Variants in SYNE2 observed in about 807,000 individuals in gnomAD.
The protein encoded by SYNE2 is nesprin-2.
SYNE2 carries 431 observed loss-of-function variants against 856.3 expected under a neutral mutation model. That is an observed-to-expected ratio of 0.50 (90% CI 0.47 to 0.55). SYNE2 has a LOEUF of 0.55. SYNE2 is among the 20% of genes least tolerant of loss of function. The pLI is 0.00. For missense variants in SYNE2, 8,129 were observed against 8,023.2 expected, an observed-to-expected ratio of 1.01 and a Z score of -0.50; for synonymous variants, 2,923 against 2,872.3, an observed-to-expected ratio of 1.02 and a Z score of -0.56.
intron 38 of SYNE2, chr14:64,023,462 A>G (rs905816943): frequency 7.9e-5 from 12 of 152,672 alleles, no homozygotes; most frequent in African/African-American, 2.9e-4. Flanking sequence ...TTGAAATCAT[A>G]TTTGATAAAA....
chr14:63,881,859 A>G (rs1043949711), intron 1 of SYNE2, among the ~76,000 whole-genome samples: 1 of 152,212 alleles, frequency 6.6e-6, no homozygotes, highest in African/African-American at 2.4e-5. Flanking sequence ...AACCTGTAAC[A>G]TATTTCTGAT....
In SYNE2 at chr14:64,089,151, C is replaced by T. The variant is rs570147735; in HGVS notation, c.11671-423C>T. On this transcript the variant is annotated intron_variant, in intron 58 of 115. Coordinates refer to ENST00000555002, the MANE Select transcript of SYNE2 (RefSeq NM_182914.3). ...GAGGCCGAGGCGGGTGGATCACCTG[C>T]GGTCAGGAGTTGGAGACCAGCCTGG... Among the ~76,000 whole-genome samples, 13 of 151,876 alleles carry T rather than the reference C, an allele frequency of 8.6e-5. No individual in the cohort carries two copies. The East Asian group carries it at 1.7e-3, about 20-fold the overall frequency.
chr14:64,075,597 CTT>C (rs58200430), intron 53 of SYNE2: 1,768 of 163,150 alleles, frequency 0.011, 1 homozygote, highest in South Asian at 0.022. Context: ...TTCTTTGAAA[CTT>C]TTTTTTTTTT....
At chr14:64,217,558 A>AT (rs1567676471) in intron 108 of SYNE2, among the ~76,000 whole-genome samples, 1 of 152,214 alleles carries the variant, frequency 6.6e-6, no homozygotes, top group African/African-American at 2.4e-5. Context: ...AGCAGGTGTC[A>AT]TTTTTAAAAA....
At chr14:63,794,012 A>G (rs983300679) in intron 1 of SYNE2, among the ~76,000 whole-genome samples, 1 of 152,044 alleles carries the variant, frequency 6.6e-6, no homozygotes, top group Non-Finnish European at 1.5e-5. Flanking sequence ...CTGAAATACC[A>G]TGGTACCAGG....
intron 111 of SYNE2, 145 bp downstream of exon 111, chr14:64,220,782 C>T (rs2140389745): frequency 2.0e-6 from 2 of 1,014,256 alleles, no homozygotes; most frequent in East Asian, 2.6e-5. Context: ...CATTTGTTTC[C>T]ACAGAGGCTC....
intron 11 of SYNE2, among the ~76,000 whole-genome samples, chr14:63,970,334 G>T (rs1314118178): frequency 6.6e-6 from 1 of 152,092 alleles, no homozygotes. Context: ...GACAACTGGT[G>T]TGTGCCATCA....
At chr14:64,171,936 T>C (rs1397357507) in intron 94 of SYNE2, among the ~76,000 whole-genome samples, 1 of 152,170 alleles carries the variant, frequency 6.6e-6, no homozygotes, top group Non-Finnish European at 1.5e-5. Flanking sequence ...CTGCAACCTC[T>C]GCCTCCCAGG....
intron 99 of SYNE2, among the ~76,000 whole-genome samples, chr14:64,201,331 CA>C (rs1420030461): frequency 8.5e-5 from 13 of 152,198 alleles, no homozygotes; most frequent in African/African-American, 3.1e-4. Context: ...AACTAGAAGT[CA>C]GTCCCATGGA....
chr14:64,083,926 A>AT (rs527947618), intron 57 of SYNE2, among the ~76,000 whole-genome samples: 15,713 of 144,852 alleles, frequency 0.11, 967 homozygotes, highest in African/African-American at 0.17. Flanking sequence ...TAGAAAACTA[A>AT]TTTTTTTTTT....
At chr14:63,925,540 G>C (rs2095653713) in intron 2 of SYNE2, among the ~76,000 whole-genome samples, 1 of 152,128 alleles carries the variant, frequency 6.6e-6, no homozygotes. Flanking sequence ...TTTAAACTGA[G>C]CAATTGCATT....
intron 10 of SYNE2, among the ~76,000 whole-genome samples, chr14:63,964,741 C>T (rs2096367101): frequency 1.3e-5 from 2 of 152,074 alleles, no homozygotes; most frequent in South Asian, 2.1e-4. Context: ...TCAGGCTGGT[C>T]TCGAACTCCT....
At chr14:64,182,452 G>A (rs908748914) in intron 96 of SYNE2, among the ~76,000 whole-genome samples, 8 of 151,716 alleles carry the variant, frequency 5.3e-5, no homozygotes, top group Admixed American at 4.6e-4. Flanking sequence ...GATTTGGCAC[G>A]GTCATAGGAC....
chr14:64,055,920 A>T, intron 48 of SYNE2, 24 bp from the exon 49 acceptor site: 1 of 1,599,098 alleles, frequency 6.3e-7, no homozygotes, highest in South Asian at 1.1e-5. Flanking sequence ...ATTTTGTCAC[A>T]GCATTTAATC....
At chr14:63,811,470 C>T (rs59529583) in intron 1 of SYNE2, among the ~76,000 whole-genome samples, 79,934 of 151,786 alleles carry the variant, frequency 0.53, 21,918 homozygotes, top group South Asian at 0.63. Flanking sequence ...GCCACATTGC[C>T]CAGGCTGTTC....
intron 1 of SYNE2, among the ~76,000 whole-genome samples, chr14:63,788,028 C>T (rs990407361): frequency 5.9e-5 from 9 of 152,230 alleles, no homozygotes. Flanking sequence ...GGCTTCCCCT[C>T]TCACGCTCGT....
chr14:63,876,204 G>GCAATCC (rs754606857), intron 1 of SYNE2, among the ~76,000 whole-genome samples: 2 of 151,410 alleles, frequency 1.3e-5, no homozygotes, highest in Non-Finnish European at 2.9e-5. Context: ...CTTGAGCCAA[G>GCAATCC]GGGTTTGAGA....
At chr14:63,767,725 G>A (rs925778309) in intron 1 of SYNE2, among the ~76,000 whole-genome samples, 3 of 152,004 alleles carry the variant, frequency 2.0e-5, no homozygotes, top group South Asian at 2.1e-4. Context: ...TTGCCTAAGC[G>A]TTTGCACTAT....
In SYNE2 at chr14:64,137,948, C is replaced by T. The variant is rs1396372181; in HGVS notation, c.14808C>T (p.Leu4936=). 3.1e-6 allele frequency: 5 copies of T among 1,613,976 alleles called. No homozygotes were observed. Among genetic ancestry groups the T allele is most frequent in the Non-Finnish European group, 4.2e-6 (5 of 1,180,004 alleles). ...TGAACAAGAAAATTGACCATGAGCTCCACAGGCTGCAAGCTCTTCTCAAGC... is the reference window on the plus strand; with the variant it reads ...TGAACAAGAAAATTGACCATGAGCTTCACAGGCTGCAAGCTCTTCTCAAGC... ...LSLNKKIDHE[L]HRLQALLKHL... The change falls in exon 79 of 116, where the codon CTC becomes CTT. Residue 4936 remains leucine, a synonymous_variant. Transcript: ENST00000555002.
Sources: allele counts gnomAD v4.1 joint callset (sites outside exome capture counted in the v4.1 genomes callset), GRCh38; gene constraint gnomAD v4.1.1; transcripts MANE v1.5; gene names NCBI Gene and HGNC (gene_info 2026-07-23, HGNC 2026-07-21).